Variants in ARSD observed in about 807,000 individuals in gnomAD.
The protein encoded by ARSD is testis tissue sperm-binding protein Li 39a.
Under a neutral mutation model 32.6 loss-of-function variants are expected in ARSD, and 21 were observed. The observed-to-expected ratio is 0.64, with a 90% confidence interval of 0.46 to 0.93. The LOEUF is 0.93. Among genes scored for constraint, ARSD ranks in the 40% least tolerant of loss-of-function variants. ARSD has a pLI of 0.00. For missense variants in ARSD, 454 were observed against 520.9 expected (o/e 0.87, Z 1.25); for synonymous variants, 224 against 237.4 (o/e 0.94, Z 0.52).
intron 2 of ARSD, among the ~76,000 whole-genome samples, chrX:2,923,759 T>C (rs772033684): frequency 3.6e-5 from 4 of 112,020 alleles, no homozygotes; most frequent in African/African-American, 9.7e-5. Flanking sequence ...CCAAATAGAG[T>C]CACAGTCTGA....
At chrX:2,912,633 C>T (rs2088911925) in intron 6 of ARSD, among the ~76,000 whole-genome samples, 2 of 111,552 alleles carry the variant, frequency 1.8e-5, no homozygotes, top group South Asian at 7.7e-4. Flanking sequence ...GAACACACAA[C>T]GCCAAGAGGT....
In ARSD at chrX:2,919,880, G is replaced by A. The variant is rs1332877806; in HGVS notation, c.439+721C>T. ...TGATCCCACTGGGGGAGGATTCTTG[G>A]GAGCTTGTGTCTGGTTTGCCCTGGG... On this transcript the variant is annotated intron_variant, in intron 4 of 9. Transcript: ENST00000381154. Among the ~76,000 whole-genome samples, 3 of 111,233 alleles carry A rather than the reference G, an allele frequency of 2.7e-5. No homozygotes were observed. The South Asian group carries it at 1.1e-3, about 43-fold the overall frequency.
chrX:2,913,515 TCCCG>T, intron 6 of ARSD: 1 of 971,569 alleles, frequency 1.0e-6, no homozygotes, highest in Non-Finnish European at 1.3e-6. Context: ...TGTGAACCAA[TCCCG>T]CCCTATCACT....
intron 9 of ARSD, 121 bp downstream of exon 9, chrX:2,908,600 G>T: frequency 3.0e-6 from 2 of 670,564 alleles, no homozygotes; most frequent in Non-Finnish European, 4.1e-6. Context: ...ATAGCTATCT[G>T]TCCATCCACC....
Position 2,907,756 on chromosome X carries a change from C to T in ARSD, c.1421-124G>A, listed in dbSNP as rs184743497. ...TATTCAGTGAAAAGGAGGAGGGACA[C>T]GAGGCAGTCCACACAATCACAGCCT... On this transcript the variant is annotated intron_variant, in intron 9 of 9. Transcript: ENST00000381154. The T allele has an allele frequency of 4.0e-4, 414 of 1,046,082 alleles. 2 individuals carry two copies. Among genetic ancestry groups the T allele is most frequent in the Admixed American group, 4.6e-5 (1 of 21,533 alleles). 86.2% of individuals were successfully genotyped at this position (1,046,082 alleles called of 1,213,427 possible).
intron 2 of ARSD, among the ~76,000 whole-genome samples, chrX:2,924,077 G>A (rs1215918994): frequency 1.8e-5 from 2 of 112,466 alleles, no homozygotes; most frequent in Non-Finnish European, 3.8e-5. Context: ...CTGTGGCCCA[G>A]GCTAGAATGC....
rs1202293593 is a variant in ARSD at position 2,905,322 on chromosome X, C to T, written c.*1949G>A. On this transcript the variant is annotated 3_prime_UTR_variant, in exon 10 of 10. Transcript: ENST00000381154. ...TCTCGTTTCAATTCCCAGTATGCTT[C>T]CTGCAAAGACCTCGATAGATGGACT... is the stretch of plus-strand genomic sequence containing the variant. 1 of 214,920 alleles carries T rather than the reference C, an allele frequency of 4.7e-6. No homozygotes were observed. The highest frequency in any genetic ancestry group is 8.6e-6 in the Non-Finnish European group (1 of 116,117). 17.7% of individuals were successfully genotyped at this position (214,920 alleles called of 1,213,427 possible).
intron 1 of ARSD, among the ~76,000 whole-genome samples, chrX:2,927,199 C>A (rs923739234): frequency 2.8e-5 from 3 of 108,261 alleles, no homozygotes; most frequent in Non-Finnish European, 5.7e-5. Context: ...CTTTCCATGC[C>A]GACTTCCTAG....
rs371925523 is a variant in ARSD, at chrX:2,920,699, C to T, written c.341G>A (p.Arg114Gln). ...RSGMDASNGYRALQWNAGSGG... is the reference protein window; with the variant it reads ...RSGMDASNGYQALQWNAGSGG... The stretch of plus-strand genomic sequence containing the variant: ...TGAGCCTGCGTTCCACTGAAGGGCC[C>T]GGTATCCATTGCTGGCGTCCATGCC... Residue 114 changes from arginine (R) to glutamine (Q), a missense_variant, in exon 4 of 10, where the codon CGG becomes CAG. Arg to Gln is a conservative substitution (Grantham distance 43). This residue lies in a region of ARSD where 271 missense variants were observed against 301.0 expected (regional missense o/e 0.90). Transcript: ENST00000381154. 5.8e-6 allele frequency: 7 copies of T among 1,211,643 alleles called. No homozygotes were observed. Among genetic ancestry groups the T allele is most frequent in the African/African-American group, 3.5e-5 (2 of 57,826 alleles).
rs779561572 is a variant in ARSD, at chrX:2,905,160, TG to T, written c.*2110del. 9.5e-4 allele frequency: 289 copies of T among 305,640 alleles called. 1 individual carries two copies. The highest frequency in any genetic ancestry group is 7.2e-3 in the African/African-American group (261 of 36,371). 25.2% of individuals were successfully genotyped at this position (305,640 alleles called of 1,213,427 possible). On this transcript the variant is annotated 3_prime_UTR_variant, in exon 10 of 10. Transcript: ENST00000381154. ...TTCTACCTATGACTCTCAGTGCTGT[TG>T]CCTCTTCCTCTGGATCTTGGAAGCT...
In ARSD at chrX:2,908,956, A is replaced by C. The variant is rs1285683619; in HGVS notation, c.1299-114T>G. 4.6e-5 allele frequency: 49 copies of C among 1,070,762 alleles called. No individual in the cohort carries two copies. The East Asian group carries it at 1.4e-3, about 31-fold the overall frequency. The allele number at this position is 1,070,762 out of a possible 1,213,427, so 88.2% of individuals were successfully genotyped here. A position where few individuals can be genotyped will look rare whatever the true frequency, so the allele number is the denominator to read the frequency against. On this transcript the variant is annotated intron_variant, in intron 8 of 9. Coordinates refer to ENST00000381154, the MANE Select transcript of ARSD (RefSeq NM_001669.4). ...AGGCTCCCCAGCAAATGGAGCAGAGATGAGCTGTCTCTCCAGTCGCTGTTC... is the reference window on the plus strand; with the variant it reads ...AGGCTCCCCAGCAAATGGAGCAGAGCTGAGCTGTCTCTCCAGTCGCTGTTC...
chrX:2,904,920 T>TA lies in ARSD; in HGVS notation c.*2350dup. On this transcript the variant is annotated 3_prime_UTR_variant, in exon 10 of 10. Coordinates refer to ENST00000381154, the MANE Select transcript of ARSD (RefSeq NM_001669.4). ...AGATGTTTCTTTTTTTTTTTTTTTT[T>TA]AATCATTTTTTGGTTATGCCAGGTG... 1 of 256,750 alleles carries TA rather than the reference T, an allele frequency of 3.9e-6. No individual in the cohort carries two copies. The highest frequency in any genetic ancestry group is 5.4e-5 in the Admixed American group (1 of 18,395). The allele number at this position is 256,750 out of a possible 1,213,427, so 21.2% of individuals were successfully genotyped here. A position where few individuals can be genotyped will look rare whatever the true frequency, so the allele number is the denominator to read the frequency against.
chrX:2,924,372 T>G (rs1188462920), intron 2 of ARSD, among the ~76,000 whole-genome samples: 1 of 113,705 alleles, frequency 8.8e-6, no homozygotes, highest in Non-Finnish European at 1.9e-5. Flanking sequence ...CAATGTTCAC[T>G]GCAAAGAAGG....
intron 3 of ARSD, 45 bp from the exon 4 acceptor site, chrX:2,920,768 G>C: frequency 8.4e-7 from 1 of 1,193,039 alleles, no homozygotes; most frequent in Admixed American, 2.2e-5. Flanking sequence ...CCTTTCTCTA[G>C]AGGAGCACTT....
At chrX:2,927,845 C>T (rs1340583297) in intron 1 of ARSD, among the ~76,000 whole-genome samples, 2 of 111,350 alleles carry the variant, frequency 1.8e-5, no homozygotes, top group Non-Finnish European at 3.8e-5. Flanking sequence ...ACCAATCAGA[C>T]TGATCGCGGG....
chrX:2,925,902 T>G, intron 1 of ARSD, 137 bp from the exon 2 acceptor site: 1 of 629,437 alleles, frequency 1.6e-6, no homozygotes, highest in Non-Finnish European at 2.4e-6. Context: ...GTTATTGTCT[T>G]GGCCTGAATT....
At position 2,907,480 on chromosome X, in the gene ARSD, C is replaced by T. The variant is rs1159390161; in HGVS notation, c.1573G>A (p.Glu525Lys). 5 of 1,206,531 alleles carry T rather than the reference C, an allele frequency of 4.1e-6. No individual in the cohort carries two copies. Among genetic ancestry groups the T allele is most frequent in the African/African-American group, 3.5e-5 (2 of 57,487 alleles). The stretch of plus-strand genomic sequence containing the variant: ...GAGTCGGGGGTCAGGGGCCGTGCCT[C>T]GGAGGGGTCCCTGGAGAGGTCAAAG... ...LLFDLSRDPS[E>K]ARPLTPDSEP... is the part of the protein sequence containing the mutation. The change falls in exon 10 of 10, where the codon GAG (glutamate) becomes AAG (lysine). Residue 525 changes from glutamate (E) to lysine (K), a missense_variant. Physicochemically the swap from Glu to Lys is moderately conservative, Grantham distance 56 (BLOSUM62 1). This residue lies in a region of ARSD where 179 missense variants were observed against 198.5 expected (regional missense o/e 0.90). Coordinates refer to ENST00000381154, the MANE Select transcript of ARSD (RefSeq NM_001669.4).
At chrX:2,912,975 G>A (rs1410288321) in intron 6 of ARSD, among the ~76,000 whole-genome samples, 2 of 112,244 alleles carry the variant, frequency 1.8e-5, no homozygotes, top group African/African-American at 6.5e-5. Context: ...ATCTGAGGCG[G>A]GTCTCAATCC....
chrX:2,918,790 A>G (rs921230504), intron 4 of ARSD, among the ~76,000 whole-genome samples: 1 of 111,224 alleles, frequency 9.0e-6, no homozygotes, highest in African/African-American at 3.3e-5. Context: ...TGAGAGAGAA[A>G]GAAAGAATAA....
Sources: allele counts gnomAD v4.1 joint callset (sites outside exome capture counted in the v4.1 genomes callset), GRCh38; gene constraint gnomAD v4.1.1; regional missense constraint gnomAD v4.1.1; transcripts MANE v1.5; gene names NCBI Gene and HGNC (gene_info 2026-07-23, HGNC 2026-07-21).